Variants in NLK observed in about 807,000 individuals in gnomAD.
NLK encodes the protein serine/threonine-protein kinase NLK.
NLK carries 11 observed loss-of-function variants against 59.0 expected under a neutral mutation model. The observed-to-expected ratio is 0.19, with a 90% CI of 0.12 to 0.31. NLK has a LOEUF of 0.31. Ranked by LOEUF, NLK falls within the 10% of genes least tolerant of loss-of-function variation. NLK has a pLI of 1.00. For missense variants in NLK, 410 were observed against 661.1 expected, an observed-to-expected ratio of 0.62 and a Z score of 4.16; for synonymous variants, 235 against 235.9, an observed-to-expected ratio of 1.00 and a Z score of 0.03.
chr17:28,135,978 T>A (rs1394692273), intron 3 of NLK, among the ~76,000 whole-genome samples: 1 of 152,188 alleles, frequency 6.6e-6, no homozygotes, highest in Non-Finnish European at 1.5e-5. Context: ...TTAGCATAGT[T>A]ATGGTTTAAA....
chr17:28,063,119 A>T (rs1909720642), intron 1 of NLK, among the ~76,000 whole-genome samples: 1 of 151,844 alleles, frequency 6.6e-6, no homozygotes, highest in Non-Finnish European at 1.5e-5. Flanking sequence ...TTTTGTAGAG[A>T]TGGGGTTTTG....
intron 1 of NLK, among the ~76,000 whole-genome samples, chr17:28,044,323 C>G (rs1449626546): frequency 6.6e-6 from 1 of 152,108 alleles, no homozygotes; most frequent in African/African-American, 2.4e-5. Flanking sequence ...CCGAGAAAAG[C>G]GCCCATTACC....
At chr17:28,204,699 A>G in the NLK span, among the ~76,000 whole-genome samples, 2 of 152,216 alleles carry the variant, frequency 1.3e-5, no homozygotes, top group Non-Finnish European at 1.5e-5. Context: ...ACATACAAAT[A>G]AATCAATTAC....
At chr17:28,162,216 C>G (rs1300961682) in intron 4 of NLK, among the ~76,000 whole-genome samples, 1 of 152,022 alleles carries the variant, frequency 6.6e-6, no homozygotes, top group Non-Finnish European at 1.5e-5. Context: ...AGGGTTTCAC[C>G]GTATTAGCCA....
intron 1 of NLK, among the ~76,000 whole-genome samples, chr17:28,086,918 T>C (rs889075674): frequency 6.6e-6 from 1 of 151,664 alleles, no homozygotes; most frequent in Non-Finnish European, 1.5e-5. Context: ...TGTGGTGGCG[T>C]GCACCTGTAG....
rs752078138 is a variant in NLK, at chr17:28,043,344, A to G, written c.458+13A>G. The stretch of plus-strand genomic sequence containing the variant: ...TTGGTGTTGTCTGGTGAGTATCCAA[A>G]GAAAAACACAACCTCTCATGGTTTC... On this transcript the variant is annotated intron_variant, in intron 1 of 10. Transcript: ENST00000407008. The G allele has an allele frequency of 4.6e-6, 7 of 1,518,674 alleles. No homozygotes were observed. The African/African-American group carries it at 7.0e-5, about 15-fold the overall frequency. 94.1% of individuals were successfully genotyped at this position (1,518,674 alleles called of 1,614,324 possible). A position where few individuals can be genotyped will look rare whatever the true frequency, so the allele number is the denominator to read the frequency against.
At chr17:28,132,587 C>T (rs1906564786) in intron 2 of NLK, 33 bp from the exon 3 acceptor site, 1 of 1,545,098 alleles carries the variant, frequency 6.5e-7, no homozygotes, top group Non-Finnish European at 8.8e-7. Flanking sequence ...CTTTTTTGTT[C>T]TCTAAATTTG....
At chr17:28,151,680 A>G (rs1907485335) in intron 3 of NLK, among the ~76,000 whole-genome samples, 1 of 152,194 alleles carries the variant, frequency 6.6e-6, no homozygotes, top group Non-Finnish European at 1.5e-5. Flanking sequence ...CCAGTTAATT[A>G]AAGTTAATTA....
At chr17:28,134,094 TA>T (rs1906633821) in intron 3 of NLK, among the ~76,000 whole-genome samples, 1 of 151,160 alleles carries the variant, frequency 6.6e-6, no homozygotes, top group African/African-American at 2.4e-5. Flanking sequence ...AAAATAAAAA[TA>T]AAAAAATAAA....
intron 10 of NLK, among the ~76,000 whole-genome samples, chr17:28,192,788 C>T (rs1909355142): frequency 6.6e-6 from 1 of 152,202 alleles, no homozygotes; most frequent in South Asian, 2.1e-4. Flanking sequence ...ATATGGCAGT[C>T]CTGCTGCAGC....
At chr17:28,197,728 GT>G (rs35405689), downstream of NLK, among the ~76,000 whole-genome samples, 46 of 149,346 alleles carry the variant, frequency 3.1e-4, no homozygotes, top group East Asian at 3.3e-3. Flanking sequence ...TAGAATTTTT[GT>G]TTTTTTTTGT....
Position 28,161,193 on chromosome 17 carries a change from A to G in NLK, c.678A>G (p.Leu226=), listed in dbSNP as rs1907989227. Reference sequence around the variant, plus strand: ...TCACAGAATTGATGCAGAGTGACCTACATAAAATTATCGTCTCTCCTCAAC... The same window carrying G: ...TCACAGAATTGATGCAGAGTGACCTGCATAAAATTATCGTCTCTCCTCAAC... ...YVVTELMQSD[L]HKIIVSPQPL... The change falls in exon 4 of 11, where the codon CTA becomes CTG. Residue 226 remains leucine, a synonymous_variant. Coordinates refer to ENST00000407008, the MANE Select transcript of NLK (RefSeq NM_016231.5). 2 of 1,609,866 alleles carry G rather than the reference A, an allele frequency of 1.2e-6. No individual in the cohort carries two copies. Among genetic ancestry groups the G allele is most frequent in the East Asian group, 2.2e-5 (1 of 44,856 alleles).
At chr17:28,202,395 A>G in the NLK span, among the ~76,000 whole-genome samples, 1 of 152,098 alleles carries the variant, frequency 6.6e-6, no homozygotes, top group Non-Finnish European at 1.5e-5. Context: ...TCCTGACCCC[A>G]AGTGATCCAC....
chr17:28,072,192 CTTATATT>C (rs2142757774), intron 1 of NLK, among the ~76,000 whole-genome samples: 1 of 151,876 alleles, frequency 6.6e-6, no homozygotes, highest in South Asian at 2.1e-4. Flanking sequence ...CATTTCTGTT[CTTATATT>C]TTATATGTCT....
chr17:28,166,116 GAGACAC>G (rs1908222615), intron 5 of NLK, among the ~76,000 whole-genome samples: 1 of 152,210 alleles, frequency 6.6e-6, no homozygotes, highest in Non-Finnish European at 1.5e-5. Context: ...TCAGGAGGCA[GAGACAC>G]GAGAATCACT....
At chr17:28,077,083 T>TC (rs1910190566) in intron 1 of NLK, among the ~76,000 whole-genome samples, 1 of 142,396 alleles carries the variant, frequency 7.0e-6, no homozygotes, top group Non-Finnish European at 1.5e-5. Flanking sequence ...CTTTTTTTTT[T>TC]TTTTTTTTTT....
At chr17:28,088,720 G>A (rs1414761178) in intron 1 of NLK, among the ~76,000 whole-genome samples, 1 of 152,078 alleles carries the variant, frequency 6.6e-6, no homozygotes, top group Non-Finnish European at 1.5e-5. Context: ...TAGTTGTCTA[G>A]ATTTGACAAC....
At chr17:28,075,591 C>CT (rs1567707037) in intron 1 of NLK, among the ~76,000 whole-genome samples, 7 of 152,302 alleles carry the variant, frequency 4.6e-5, no homozygotes, top group Non-Finnish European at 1.0e-4. Context: ...ACTTATTTTA[C>CT]AAAATTGGGC....
chr17:28,202,285 A>T, the NLK span, among the ~76,000 whole-genome samples: 1 of 152,120 alleles, frequency 6.6e-6, no homozygotes, highest in Admixed American at 6.6e-5. Context: ...AGTTTCAGCT[A>T]CTCAGGAGGC....
Sources: allele counts gnomAD v4.1 joint callset (sites outside exome capture counted in the v4.1 genomes callset), GRCh38; gene constraint gnomAD v4.1.1; transcripts MANE v1.5; gene names NCBI Gene and HGNC (gene_info 2026-07-23, HGNC 2026-07-21).